The following DSN1 variants were observed in gnomAD, a reference collection of about 807,000 sequenced individuals.
DSN1 encodes the protein kinetochore-associated protein DSN1 homolog.
Under a neutral mutation model 45.7 loss-of-function variants are expected in DSN1, and 31 were observed. That is an observed-to-expected ratio of 0.68 (90% CI 0.51 to 0.92). The LOEUF is 0.92. Among genes scored for constraint, DSN1 ranks in the 40% least tolerant of loss-of-function variants. The pLI is 0.00. For missense variants in DSN1, 394 were observed against 414.2 expected, an observed-to-expected ratio of 0.95 and a Z score of 0.42; for synonymous variants, 134 against 142.3, an observed-to-expected ratio of 0.94 and a Z score of 0.41.
At chr20:36,758,043 C>G in intron 8 of DSN1, 44 bp downstream of exon 8, 3 of 1,562,012 alleles carry the variant, frequency 1.9e-6, no homozygotes, top group Non-Finnish European at 2.6e-6. Context: ...ACCAATCAAA[C>G]TCCATAAGAT....
intron 5 of DSN1, among the ~76,000 whole-genome samples, chr20:36,764,976 A>T (rs944891713): frequency 6.6e-6 from 1 of 151,962 alleles, no homozygotes; most frequent in South Asian, 2.1e-4. Context: ...AAAAGAAAAA[A>T]TGCTTATCTT....
chr20:36,766,547 C>CG (rs1249409123), intron 5 of DSN1, among the ~76,000 whole-genome samples: 1 of 151,926 alleles, frequency 6.6e-6, no homozygotes, highest in Non-Finnish European at 1.5e-5. Flanking sequence ...CCCAGCTACT[C>CG]GGGGGGCTCA....
rs761478487 is a variant in DSN1, at chr20:36,770,936, G to A, written c.292C>T (p.Arg98Ter). ...CGGTTCGTTTCTTTCATACTTGCTC[G>A]CCGCCAGGATTGCCTCCTGTCTTGA... is the stretch of plus-strand genomic sequence containing the variant. ...SYQDRRQSWRRASMKETNRRK... is the reference protein window; with the variant it reads ...SYQDRRQSWR Residue 98 changes from arginine to a stop codon, truncating the protein, a stop_gained, in exon 3 of 11, where the codon CGA becomes TGA. Transcript: ENST00000373750. LOFTEE classifies it high-confidence loss of function. The A allele has an allele frequency of 5.6e-6, 9 of 1,613,962 alleles. No homozygotes were observed. Among genetic ancestry groups the A allele is most frequent in the East Asian group, 2.2e-5 (1 of 44,900 alleles).
Position 36,752,836 on chromosome 20 carries a change from T to C in DSN1, c.1023A>G (p.Leu341=), listed in dbSNP as rs770062204. ...ATCCATGTATGGCAGGTGGGTTCTG[T>C]AGCTGAAGCTTCAACAGTTTTCGAG... ...SPARKLLKLQ[L]QNPPAIHGSG... Residue 341 remains leucine (L), a synonymous_variant, in exon 11 of 11, where the codon CTA becomes CTG. Transcript: ENST00000373750. 61 of 1,614,226 alleles carry C rather than the reference T, an allele frequency of 3.8e-5. No homozygotes were observed. The highest frequency in any genetic ancestry group is 1.6e-4 in the Middle Eastern group (1 of 6,062).
Position 36,758,078 on chromosome 20 carries a change from A to G in DSN1, c.725+9T>C, listed in dbSNP as rs771633735. 1 of 1,612,796 alleles carries G rather than the reference A, an allele frequency of 6.2e-7. No individual in the cohort carries two copies. The highest frequency in any genetic ancestry group is 8.5e-7 in the Non-Finnish European group (1 of 1,179,018). ...TTTTTAAAGAGTTTTTACAGTTCAT[A>G]GATCTAACCTGGACAATATCTCTTT... On this transcript the variant is annotated intron_variant, in intron 8 of 10. Coordinates refer to ENST00000373750, the MANE Select transcript of DSN1 (RefSeq NM_001145315.2).
In DSN1 at chr20:36,773,747, A is replaced by T; in HGVS notation, c.-101T>A. 2.0e-6 allele frequency: 2 copies of T among 985,510 alleles called. No homozygotes were observed. The highest frequency in any genetic ancestry group is 2.4e-6 in the Non-Finnish European group (2 of 829,966). 61.0% of individuals were successfully genotyped at this position (985,510 alleles called of 1,614,324 possible). A position where few individuals can be genotyped will look rare whatever the true frequency, so the allele number is the denominator to read the frequency against. ...CACCCGCAGCCGATACTCCCTGATC[A>T]GGGTGAAGCGGTCTCCACCTTCTAC... On this transcript the variant is annotated 5_prime_UTR_variant, in exon 1 of 11. Transcript: ENST00000373750.
At chr20:36,755,982 G>GTTTTTT (rs1210015006) in intron 8 of DSN1, among the ~76,000 whole-genome samples, 153 bp from the exon 9 acceptor site, 3 of 150,850 alleles carry the variant, frequency 2.0e-5, no homozygotes, top group African/African-American at 7.3e-5. Flanking sequence ...TTGTTTGTTT[G>GTTTTTT]TTTGTTTTTG....
chr20:36,772,373 T>C (rs2425284), intron 1 of DSN1, among the ~76,000 whole-genome samples: 9,463 of 151,380 alleles, frequency 0.063, 1,021 homozygotes, highest in African/African-American at 0.22. Flanking sequence ...ACTGCAACTT[T>C]CACCTCCCAG....
In DSN1 at chr20:36,769,671, G is replaced by C. The variant is rs541894393; in HGVS notation, c.355+1202C>G. 3.3e-5 allele frequency among the ~76,000 whole-genome samples: 5 copies of C among 152,168 alleles called. No homozygotes were observed. The South Asian group carries it at 6.2e-4, about 19-fold the overall frequency. On this transcript the variant is annotated intron_variant, in intron 3 of 10. Coordinates refer to ENST00000373750, the MANE Select transcript of DSN1 (RefSeq NM_001145315.2). The stretch of plus-strand genomic sequence containing the variant: ...TACTATGTCCCAAGTACTGTGTTAT[G>C]TAAGATAGGTACTATTTCATCTCCA...
At chr20:36,765,882 G>A (rs1320050585) in intron 5 of DSN1, among the ~76,000 whole-genome samples, 1 of 140,468 alleles carries the variant, frequency 7.1e-6, no homozygotes, top group Non-Finnish European at 1.6e-5. Flanking sequence ...AACACTTAAA[G>A]CCTATTAGTA....
intron 3 of DSN1, among the ~76,000 whole-genome samples, chr20:36,768,633 T>C (rs1987478272): frequency 6.6e-6 from 1 of 152,228 alleles, no homozygotes; most frequent in African/African-American, 2.4e-5. Context: ...TGCCTTGGCC[T>C]TCCAAAGTGC....
intron 5 of DSN1, among the ~76,000 whole-genome samples, chr20:36,766,122 A>G (rs1356007578): frequency 2.8e-5 from 4 of 144,156 alleles, no homozygotes; most frequent in Non-Finnish European, 6.0e-5. Context: ...TGAACCCAGG[A>G]GGCAGAGGAT....
chr20:36,757,739 T>C (rs1214764749), intron 8 of DSN1, among the ~76,000 whole-genome samples: 1 of 152,160 alleles, frequency 6.6e-6, no homozygotes, highest in Non-Finnish European at 1.5e-5. Flanking sequence ...CTGCAGCTCA[T>C]AGGCCATGTG....
chr20:36,757,483 G>A (rs1986738532), intron 8 of DSN1, among the ~76,000 whole-genome samples: 3 of 152,152 alleles, frequency 2.0e-5, no homozygotes, highest in Non-Finnish European at 2.9e-5. Context: ...GGAGGCTGAG[G>A]CAGGAAAATT....
intron 1 of DSN1, among the ~76,000 whole-genome samples, chr20:36,772,109 G>A (rs1379829120): frequency 6.6e-6 from 1 of 151,834 alleles, no homozygotes; most frequent in African/African-American, 2.4e-5. Context: ...TCAAACTCCT[G>A]GCCTCAAGTG....
In DSN1 at chr20:36,758,563, T is replaced by C. The variant is rs1986798321; in HGVS notation, c.645A>G (p.Ile215Met). 3.7e-6 allele frequency: 6 copies of C among 1,607,738 alleles called. No individual in the cohort carries two copies. The highest frequency in any genetic ancestry group is 5.1e-6 in the Non-Finnish European group (6 of 1,178,330). ...EASVAEMKEY[I>M]TKFSLERQTW... ...TCTAACAAAGGTTAACTTACTTTGT[T>C]ATGTATTCCTTCATCTCAGCCACAG... is the stretch of plus-strand genomic sequence containing the variant. Residue 215 changes from isoleucine to methionine, a missense_variant, in exon 7 of 11, where the codon ATA becomes ATG. Ile to Met is a conservative substitution (Grantham distance 10, BLOSUM62 1). Coordinates refer to ENST00000373750, the MANE Select transcript of DSN1 (RefSeq NM_001145315.2).
intron 5 of DSN1, among the ~76,000 whole-genome samples, chr20:36,763,443 C>A (rs75177157): frequency 0.029 from 3,938 of 134,350 alleles, 230 homozygotes; most frequent in African/African-American, 0.1. Flanking sequence ...AGAAGTCAGG[C>A]AATAGGCAAG....
At chr20:36,762,886 C>G (rs544050873) in intron 5 of DSN1, among the ~76,000 whole-genome samples, 10 of 152,212 alleles carry the variant, frequency 6.6e-5, no homozygotes, top group African/African-American at 2.4e-4. Context: ...TCCCTATTTG[C>G]TGGGAATATA....
intron 6 of DSN1, among the ~76,000 whole-genome samples, chr20:36,760,827 T>C (rs577018135): frequency 6.6e-6 from 1 of 152,052 alleles, no homozygotes; most frequent in Non-Finnish European, 1.5e-5. Flanking sequence ...GAGGCAGAGG[T>C]TGCAGTGAGT....
Sources: allele counts gnomAD v4.1 joint callset (sites outside exome capture counted in the v4.1 genomes callset), GRCh38; gene constraint gnomAD v4.1.1; transcripts MANE v1.5; gene names NCBI Gene and HGNC (gene_info 2026-07-23, HGNC 2026-07-21).